Variants in RAI1 observed in about 807,000 individuals in gnomAD.
RAI1 encodes the protein retinoic acid-induced protein 1.
RAI1 carries 9 observed loss-of-function variants against 123.8 expected under a neutral mutation model. That is an observed-to-expected ratio of 0.07 (90% CI 0.04 to 0.13). The LOEUF (loss-of-function observed/expected upper bound fraction) is 0.13. Among genes scored for constraint, RAI1 ranks in the 10% least tolerant of loss-of-function variants. The pLI, the probability that RAI1 is intolerant of heterozygous loss-of-function variation, is 1.00. For missense variants in RAI1, 2,256 were observed against 2,545.8 expected (o/e 0.89, Z 2.45); for synonymous variants, 1,231 against 1,127.3 (o/e 1.09, Z -1.84).
rs151179520 is a variant in RAI1, at chr17:17,799,042, C to G, written c.5565+529C>G. Among the ~76,000 whole-genome samples, 36 of 152,310 alleles carry G rather than the reference C, an allele frequency of 2.4e-4. No homozygotes were observed. In the East Asian group the frequency reaches 6.2e-3, roughly 26 times the overall value. On this transcript the variant is annotated intron_variant, in intron 3 of 5. Transcript: ENST00000353383. The surrounding 1 kb of genome is among the most constrained non-coding windows in gnomAD (Gnocchi z 4.5). ...TCACAGGGTTCCTCCCTCTGCAGGACAGTCCATGGGGTCACACAGTCACAA... is the reference window on the plus strand; with the variant it reads ...TCACAGGGTTCCTCCCTCTGCAGGAGAGTCCATGGGGTCACACAGTCACAA...
intron 2 of RAI1, among the ~76,000 whole-genome samples, chr17:17,727,614 G>T (rs1916137022): frequency 6.6e-6 from 1 of 152,146 alleles, no homozygotes; most frequent in Non-Finnish European, 1.5e-5. Context: ...CCATTCTCCA[G>T]ACAAAAAGCT....
At chr17:17,771,383 T>G (rs1195472077) in intron 2 of RAI1, among the ~76,000 whole-genome samples, 1 of 152,112 alleles carries the variant, frequency 6.6e-6, no homozygotes, top group Non-Finnish European at 1.5e-5. Flanking sequence ...TTGAGGCCCA[T>G]GAGAGGGAAC....
In RAI1 at chr17:17,800,180, G is replaced by GTCTCTCTCTGTCTCTCTCTCTCTC. The variant is rs1555566532; in HGVS notation, c.5565+1676_5565+1677insGTCTCTCTCTCTCTCTCTCTCTCT. On this transcript the variant is annotated intron_variant, in intron 3 of 5. Coordinates refer to ENST00000353383, the MANE Select transcript of RAI1 (RefSeq NM_030665.4). This position sits in a 1 kb window ranked among gnomAD's most constrained non-coding sequence, Gnocchi z 4.7. ...TCTCTCCTGCTTTCTGTCTCTCTCT[G>GTCTCTCTCTGTCTCTCTCTCTCTC]TCTCTCTCTCTCTCTCTCTCTCTCT... Among the ~76,000 whole-genome samples the GTCTCTCTCTGTCTCTCTCTCTCTC allele has an allele frequency of 5.0e-4, 58 of 116,312 alleles. No individual in the cohort carries two copies. Among genetic ancestry groups the GTCTCTCTCTGTCTCTCTCTCTCTC allele is most frequent in the Non-Finnish European group, 8.2e-4 (42 of 51,082 alleles). The allele number at this position is 116,312 out of a possible 152,430, so 76.3% of individuals were successfully genotyped here. A position where few individuals can be genotyped will look rare whatever the true frequency, so the allele number is the denominator to read the frequency against.
In RAI1 at chr17:17,793,825, C is replaced by T. The variant is rs773792703; in HGVS notation, c.877C>T (p.Leu293Phe). 3 of 1,613,100 alleles carry T rather than the reference C, an allele frequency of 1.9e-6. No homozygotes were observed. The highest frequency in any genetic ancestry group is 2.5e-6 in the Non-Finnish European group (3 of 1,180,004). The change falls in exon 3 of 6, where the codon CTT (leucine) becomes TTT (phenylalanine). Residue 293 changes from leucine (L) to phenylalanine (F), a missense_variant. This residue lies in a region of RAI1 where 357 missense variants were observed against 480.2 expected (regional missense o/e 0.74). Coordinates refer to ENST00000353383, the MANE Select transcript of RAI1 (RefSeq NM_030665.4). ...QQQQQQQQQA[L>F]QSRHHAQETL... ...GCAGCAGCAGCAGCAGCAGCAAGCC[C>T]TTCAGAGCCGGCACCATGCCCAGGA...
chr17:17,786,640 A>C (rs1336760271), intron 2 of RAI1, among the ~76,000 whole-genome samples: 1 of 152,238 alleles, frequency 6.6e-6, no homozygotes, highest in Non-Finnish European at 1.5e-5. Flanking sequence ...GCCCAAGGTC[A>C]CACAGTCAGC....
intron 1 of RAI1, among the ~76,000 whole-genome samples, chr17:17,711,044 T>C (rs1915550794): frequency 6.6e-6 from 1 of 152,190 alleles, no homozygotes; most frequent in African/African-American, 2.4e-5. Context: ...GTTTGGAGAA[T>C]GACTCACAGG....
rs907287916 is a variant in RAI1, at chr17:17,810,748, C to T, written c.*767C>T. On this transcript the variant is annotated 3_prime_UTR_variant, in exon 6 of 6. Coordinates refer to ENST00000353383, the MANE Select transcript of RAI1 (RefSeq NM_030665.4). This position sits in a 1 kb window ranked among gnomAD's most constrained non-coding sequence, Gnocchi z 4.6. The stretch of plus-strand genomic sequence containing the variant: ...CCCCTTTCCAGTCCTCCACCCCACC[C>T]CTGGAGCCCAGCCTGGGAGCGCAAA... 14 of 448,788 alleles carry T rather than the reference C, an allele frequency of 3.1e-5. No homozygotes were observed. Among genetic ancestry groups the T allele is most frequent in the Non-Finnish European group, 5.9e-5 (13 of 221,600 alleles). The allele number at this position is 448,788 out of a possible 1,614,324, so 27.8% of individuals were successfully genotyped here.
chr17:17,753,000 C>T (rs983461757), intron 2 of RAI1, among the ~76,000 whole-genome samples: 2 of 152,236 alleles, frequency 1.3e-5, no homozygotes, highest in Non-Finnish European at 2.9e-5. Context: ...GTGGGTGGTG[C>T]CGGCTGTACT....
intron 1 of RAI1, among the ~76,000 whole-genome samples, chr17:17,692,904 C>T (rs928203207): frequency 6.6e-6 from 1 of 152,196 alleles, no homozygotes; most frequent in African/African-American, 2.4e-5. Context: ...TAGAGGGAGC[C>T]AGGCAAGATT....
At chr17:17,772,756 T>A in intron 2 of RAI1, among the ~76,000 whole-genome samples, 1 of 152,136 alleles carries the variant, frequency 6.6e-6, no homozygotes, top group Non-Finnish European at 1.5e-5. Context: ...TAGGGCCCTT[T>A]CCCATGCGCT....
At position 17,783,588 on chromosome 17, in the gene RAI1, C is replaced by T. The variant is rs1219154419; in HGVS notation, c.-16-9345C>T. Among the ~76,000 whole-genome samples the T allele has an allele frequency of 2.0e-5, 3 of 152,316 alleles. No individual in the cohort carries two copies. In the East Asian group the frequency reaches 5.8e-4, roughly 29 times the overall value. ...CCACACACCCTGCGCTGCTCCCCGT[C>T]CCCCTCTGCCCCAGCCGGGCTGCAG... On this transcript the variant is annotated intron_variant, in intron 2 of 5. Coordinates refer to ENST00000353383, the MANE Select transcript of RAI1 (RefSeq NM_030665.4).
chr17:17,696,365 C>G (rs888918826), intron 1 of RAI1, among the ~76,000 whole-genome samples: 1 of 152,174 alleles, frequency 6.6e-6, no homozygotes, highest in Non-Finnish European at 1.5e-5. Context: ...CCCGTACTCT[C>G]AGTCTCCAAA....
intron 2 of RAI1, 51 bp from the exon 3 acceptor site, chr17:17,792,881 AT>A: frequency 6.6e-6 from 2 of 304,074 alleles, no homozygotes; most frequent in Non-Finnish European, 6.5e-6. Context: ...CTCCCTGCCC[AT>A]CCTCCCCTCC....
intron 2 of RAI1, among the ~76,000 whole-genome samples, chr17:17,788,198 G>A (rs2031892652): frequency 6.6e-6 from 1 of 152,062 alleles, no homozygotes; most frequent in South Asian, 2.1e-4. Flanking sequence ...GGTCTGGAGG[G>A]GCTGCCTGGT....
chr17:17,756,065 T>C (rs2030425390), intron 2 of RAI1, among the ~76,000 whole-genome samples: 1 of 152,230 alleles, frequency 6.6e-6, no homozygotes, highest in Admixed American at 6.5e-5. Flanking sequence ...GGGGTCTGGT[T>C]GGTTATTGCA....
At chr17:17,724,619 C>T (rs1348490697) in intron 2 of RAI1, among the ~76,000 whole-genome samples, 1 of 152,080 alleles carries the variant, frequency 6.6e-6, no homozygotes, top group Non-Finnish European at 1.5e-5. Context: ...TCGCAATCTG[C>T]GCCCCGAAGC....
At chr17:17,728,533 G>T (rs1217452873) in intron 2 of RAI1, among the ~76,000 whole-genome samples, 1 of 152,230 alleles carries the variant, frequency 6.6e-6, no homozygotes, top group Non-Finnish European at 1.5e-5. Context: ...ACAGCCCACG[G>T]AGGGGAGCAC....
chr17:17,786,547 A>G (rs994134355), intron 2 of RAI1, among the ~76,000 whole-genome samples: 45 of 151,904 alleles, frequency 3.0e-4, no homozygotes, highest in African/African-American at 1.1e-3. Context: ...AAGGTGACAG[A>G]GGTGACAGAG....
intron 2 of RAI1, among the ~76,000 whole-genome samples, chr17:17,770,245 G>A (rs373478571): frequency 6.6e-6 from 1 of 151,978 alleles, no homozygotes; most frequent in East Asian, 1.9e-4. Flanking sequence ...CGGTGGGGTG[G>A]CTGAGCCTCA....
Sources: gnomAD v4.1 joint callset for allele counts (sites outside exome capture counted in the v4.1 genomes callset) on GRCh38, gnomAD v4.1.1 for gene constraint, gnomAD v4.1.1 regional missense constraint, Gnocchi (gnomAD v3.1) non-coding constraint, MANE v1.5 for transcripts, NCBI Gene and HGNC (gene_info 2026-07-23, HGNC 2026-07-21) for gene names.